NR5A2: variants seen among roughly 807,000 people sequenced by gnomAD.
NR5A2 encodes nuclear receptor subfamily 5 group A member 2.
Under a neutral mutation model 62.7 loss-of-function variants are expected in NR5A2, and 26 were observed. That is an observed-to-expected ratio of 0.41 (90% confidence interval 0.30 to 0.58). NR5A2 has a LOEUF of 0.58. NR5A2 is among the 20% of genes least tolerant of loss of function. NR5A2 has a pLI of 0.22. For missense variants in NR5A2, 541 were observed against 669.1 expected (o/e 0.81, Z 2.11); for synonymous variants, 246 against 241.7 (o/e 1.02, Z -0.16).
intron 5 of NR5A2, among the ~76,000 whole-genome samples, chr1:200,088,216 T>TTTGTTG (rs555460438): frequency 2.0e-5 from 3 of 149,778 alleles, no homozygotes; most frequent in Admixed American, 1.3e-4. Flanking sequence ...CTTGTTTTTT[T>TTTGTTG]TTGTTGTTGT....
chr1:200,062,749 C>T (rs1663283987), intron 5 of NR5A2, among the ~76,000 whole-genome samples: 1 of 152,120 alleles, frequency 6.6e-6, no homozygotes, highest in Non-Finnish European at 1.5e-5. Flanking sequence ...AATTATAGAT[C>T]TTACAGAGCA....
At chr1:200,098,211 T>C (rs1419732292) in intron 5 of NR5A2, among the ~76,000 whole-genome samples, 1 of 152,140 alleles carries the variant, frequency 6.6e-6, no homozygotes, top group African/African-American at 2.4e-5. Context: ...CCAGAATAAA[T>C]GCTAGGCCTC....
intron 1 of NR5A2, among the ~76,000 whole-genome samples, chr1:200,034,960 C>T (rs1661707678): frequency 6.6e-6 from 1 of 151,928 alleles, no homozygotes; most frequent in Non-Finnish European, 1.5e-5. Context: ...CGGGTGGAGC[C>T]TACGGGCGTG....
chr1:200,050,779 C>CTA (rs1420883600), intron 5 of NR5A2, among the ~76,000 whole-genome samples: 1 of 152,146 alleles, frequency 6.6e-6, no homozygotes, highest in East Asian at 1.9e-4. Context: ...GTAATCCCAG[C>CTA]TTCTAGGGAG....
At chr1:200,061,484 G>A (rs911669595) in intron 5 of NR5A2, among the ~76,000 whole-genome samples, 1 of 151,932 alleles carries the variant, frequency 6.6e-6, no homozygotes, top group Non-Finnish European at 1.5e-5. Flanking sequence ...CTCCATATTG[G>A]TCAGGCTGGT....
At chr1:200,101,307 T>C (rs1345011909) in intron 5 of NR5A2, among the ~76,000 whole-genome samples, 1 of 152,196 alleles carries the variant, frequency 6.6e-6, no homozygotes, top group African/African-American at 2.4e-5. Context: ...GTTCGCTTTA[T>C]TGTTGATTGG....
chr1:200,086,004 T>A (rs1664509817), intron 5 of NR5A2, among the ~76,000 whole-genome samples: 1 of 152,166 alleles, frequency 6.6e-6, no homozygotes. Context: ...AGCTGTTTGG[T>A]CCATAGTCAC....
intron 6 of NR5A2, among the ~76,000 whole-genome samples, chr1:200,116,516 C>T (rs1666224716): frequency 6.6e-6 from 1 of 152,160 alleles, no homozygotes; most frequent in African/African-American, 2.4e-5. Context: ...TATGTCTGTT[C>T]ATAGTTCATT....
intron 7 of NR5A2, among the ~76,000 whole-genome samples, chr1:200,136,980 T>A (rs1267943199): frequency 4.6e-5 from 7 of 151,774 alleles, no homozygotes; most frequent in Non-Finnish European, 8.8e-5. Flanking sequence ...TTTCTTTATC[T>A]TTTTTTTGAG....
rs1314047804 is a variant in NR5A2, at chr1:200,045,484, A to G, written c.363A>G (p.Thr121=). The G allele has an allele frequency of 1.1e-5, 18 of 1,612,914 alleles. No individual in the cohort carries two copies. The highest frequency in any genetic ancestry group is 1.4e-5 in the Non-Finnish European group (16 of 1,179,188). Residue 121 remains threonine (T), a synonymous_variant, in exon 4 of 8, where the codon ACA becomes ACG. Transcript: ENST00000367362. ...KRTVQNNKRY[T]CIENQNCQID... ...CAGTCCAAAATAATAAAAGGTACACATGTATAGAAAACCAGAACTGCCAAA... is the reference window on the plus strand; with the variant it reads ...CAGTCCAAAATAATAAAAGGTACACGTGTATAGAAAACCAGAACTGCCAAA...
At chr1:200,129,872 C>G (rs866880132) in intron 7 of NR5A2, among the ~76,000 whole-genome samples, 19 of 152,262 alleles carry the variant, frequency 1.2e-4, no homozygotes, top group African/African-American at 4.6e-4. Flanking sequence ...CTACATTTTG[C>G]CTTTGCTAAG....
chr1:200,129,174 A>T (rs73082670), intron 7 of NR5A2, among the ~76,000 whole-genome samples: 2 of 152,166 alleles, frequency 1.3e-5, no homozygotes, highest in Non-Finnish European at 2.9e-5. Context: ...CCCAGAGCTT[A>T]TAACTCCAGC....
chr1:200,097,842 G>A (rs1665172678), intron 5 of NR5A2, among the ~76,000 whole-genome samples: 2 of 152,164 alleles, frequency 1.3e-5, no homozygotes, highest in African/African-American at 4.8e-5. Context: ...ATCTAGAATA[G>A]GAAGAATATG....
chr1:200,169,548 A>G (rs576996402), intron 7 of NR5A2, among the ~76,000 whole-genome samples: 2 of 152,336 alleles, frequency 1.3e-5, no homozygotes, highest in South Asian at 4.1e-4. Flanking sequence ...GTACTATAAT[A>G]TATTCAAGAA....
intron 1 of NR5A2, among the ~76,000 whole-genome samples, chr1:200,037,582 T>C (rs6698068): frequency 0.017 from 2,622 of 152,324 alleles, 66 homozygotes; most frequent in African/African-American, 0.056. Context: ...TTTATTTTCT[T>C]AGTTCTCAGT....
intron 7 of NR5A2, among the ~76,000 whole-genome samples, chr1:200,127,718 A>AC (rs1558155357): frequency 9.0e-6 from 1 of 110,754 alleles, no homozygotes. Flanking sequence ...AAATATATAT[A>AC]TATATATATA....
At position 200,067,766 on chromosome 1, in the gene NR5A2, C is replaced by T. The variant is rs371108113; in HGVS notation, c.1110+18948C>T. On this transcript the variant is annotated intron_variant, in intron 5 of 7. Transcript: ENST00000367362. Reference sequence around the variant, plus strand: ...GGTAACAAACCTTCACATGTACCCCCGAACCTAAAATAAATGTTTAAAAAC... The same window carrying T: ...GGTAACAAACCTTCACATGTACCCCTGAACCTAAAATAAATGTTTAAAAAC... Among the ~76,000 whole-genome samples, 17 of 152,258 alleles carry T rather than the reference C, an allele frequency of 1.1e-4. 1 individual carries two copies. The Middle Eastern group carries it at 0.017, about 152-fold the overall frequency.
At chr1:200,075,846 T>C (rs1664004123) in intron 5 of NR5A2, among the ~76,000 whole-genome samples, 1 of 152,110 alleles carries the variant, frequency 6.6e-6, no homozygotes, top group Non-Finnish European at 1.5e-5. Flanking sequence ...CATGGTAGTG[T>C]GAATTTAGAA....
intron 5 of NR5A2, among the ~76,000 whole-genome samples, chr1:200,088,076 G>T (rs566482284): frequency 9.5e-4 from 145 of 151,988 alleles, no homozygotes; most frequent in Non-Finnish European, 1.7e-3. Flanking sequence ...AATTTTGTTT[G>T]TTTATTGTAA....
Sources: allele counts gnomAD v4.1 joint callset (sites outside exome capture counted in the v4.1 genomes callset), GRCh38; gene constraint gnomAD v4.1.1; transcripts MANE v1.5; gene names NCBI Gene and HGNC (gene_info 2026-07-23, HGNC 2026-07-21).